Variants in MAP3K5 observed in about 807,000 individuals in gnomAD.
MAP3K5 encodes the protein ASK-1.
MAP3K5 carries 56 observed loss-of-function variants against 158.7 expected under a neutral mutation model. The observed-to-expected ratio is 0.35, with a 90% CI of 0.28 to 0.44. The LOEUF (loss-of-function observed/expected upper bound fraction) is 0.44, where lower values mean the gene tolerates loss of function less well. MAP3K5 is among the 20% of genes least tolerant of loss of function. The pLI, the probability that MAP3K5 is intolerant of heterozygous loss-of-function variation, is 1.00. For synonymous variants in MAP3K5, 579 were observed against 601.7 expected, an observed-to-expected ratio of 0.96 and a Z score of 0.55; for missense variants, 1,294 against 1,674.8, an observed-to-expected ratio of 0.77 and a Z score of 3.97.
At chr6:136,742,952 G>A (rs1319901781) in intron 1 of MAP3K5, among the ~76,000 whole-genome samples, 7 of 152,202 alleles carry the variant, frequency 4.6e-5, no homozygotes, top group African/African-American at 1.7e-4. Flanking sequence ...CAGCACTTGG[G>A]GAGGCCAAGG....
chr6:136,663,907 G>A (rs1779118177), intron 8 of MAP3K5, among the ~76,000 whole-genome samples: 2 of 151,880 alleles, frequency 1.3e-5, no homozygotes, highest in South Asian at 4.2e-4. Context: ...CACCATGTCC[G>A]GCCTCAATCT....
At chr6:136,765,581 C>T (rs1416069225) in intron 1 of MAP3K5, among the ~76,000 whole-genome samples, 1 of 151,840 alleles carries the variant, frequency 6.6e-6, no homozygotes, top group Non-Finnish European at 1.5e-5. Context: ...GGCGCCATCT[C>T]GGCTCACTGC....
chr6:136,706,210 G>A (rs776752681), intron 2 of MAP3K5, among the ~76,000 whole-genome samples: 8 of 152,028 alleles, frequency 5.3e-5, no homozygotes, highest in African/African-American at 7.2e-5. Context: ...AGGCTGCGGC[G>A]AGCTGAGATC....
At chr6:136,664,397 A>G (rs914798971) in intron 8 of MAP3K5, among the ~76,000 whole-genome samples, 8 of 152,144 alleles carry the variant, frequency 5.3e-5, no homozygotes, top group Non-Finnish European at 1.0e-4. Flanking sequence ...CAATAGAAAT[A>G]AAGTGCACAA....
At chr6:136,659,403 T>A in intron 8 of MAP3K5, 25 bp from the exon 9 acceptor site, 1 of 1,609,098 alleles carries the variant, frequency 6.2e-7, no homozygotes, top group South Asian at 1.1e-5. Context: ...GGAAGTAGAA[T>A]GTTACAAATG....
At chr6:136,673,376 C>A (rs1779566317) in intron 7 of MAP3K5, among the ~76,000 whole-genome samples, 1 of 152,092 alleles carries the variant, frequency 6.6e-6, no homozygotes, top group Non-Finnish European at 1.5e-5. Flanking sequence ...ATGCAAAGAG[C>A]CAGCAAGTTG....
rs1228044383 is a variant in MAP3K5 at position 136,592,215 on chromosome 6, G to C, written c.3183C>G (p.Asp1061Glu). The C allele has an allele frequency of 3.1e-6, 5 of 1,605,682 alleles. No individual in the cohort carries two copies. The highest frequency in any genetic ancestry group is 4.2e-6 in the Non-Finnish European group (5 of 1,176,680). Reference protein sequence around the residue: ...RATLHRILTEDQDKIVRNLME... With the variant: ...RATLHRILTEEQDKIVRNLME... The stretch of plus-strand genomic sequence containing the variant: ...TTAGGTTTCTCACAATTTTGTCTTG[G>C]TCTTCCGTCAGGATCCTGTGAAGGG... The change falls in exon 23 of 30, where the codon GAC becomes GAG. Residue 1061 changes from aspartate to glutamate, a missense_variant. Transcript: ENST00000359015.
chr6:136,705,046 C>A, intron 3 of MAP3K5, 64 bp downstream of exon 3: 17 of 768,326 alleles, frequency 2.2e-5, no homozygotes, highest in Non-Finnish European at 3.1e-5. Flanking sequence ...TTAAAAATAC[C>A]AAAGATTAGT....
intron 1 of MAP3K5, among the ~76,000 whole-genome samples, chr6:136,758,698 ACT>A (rs1783610397): frequency 6.6e-6 from 1 of 152,190 alleles, no homozygotes; most frequent in Non-Finnish European, 1.5e-5. Context: ...ATAAGTGAAG[ACT>A]CTGTTTATAC....
chr6:136,580,903 C>G lies in MAP3K5; in HGVS notation c.3412-497G>C, dbSNP rs1314270096. ...GATCATGGCTCACTGCAACCTGTGC[C>G]TCCGGGGCTCAAGCAATCCTCCCGC... On this transcript the variant is annotated intron_variant, in intron 24 of 29. Transcript: ENST00000359015. 3.3e-5 allele frequency among the ~76,000 whole-genome samples: 5 copies of G among 152,130 alleles called. No individual in the cohort carries two copies. In the South Asian group the frequency reaches 1.0e-3, roughly 32 times the overall value.
At chr6:136,696,370 G>A (rs1780600728) in intron 5 of MAP3K5, among the ~76,000 whole-genome samples, 1 of 152,196 alleles carries the variant, frequency 6.6e-6, no homozygotes, top group Admixed American at 6.5e-5. Context: ...TTTCCCCATA[G>A]AGCCAGATTC....
At chr6:136,611,180 G>T (rs1583271071) in intron 18 of MAP3K5, 102 bp downstream of exon 18, 14 of 453,276 alleles carry the variant, frequency 3.1e-5, no homozygotes, top group South Asian at 7.4e-5. Flanking sequence ...CAACATTACT[G>T]TGTGTGAGAA....
chr6:136,656,100 A>T (rs1200474123), intron 10 of MAP3K5: 2 of 520,724 alleles, frequency 3.8e-6, no homozygotes, highest in African/African-American at 3.8e-5. Flanking sequence ...CATGGCAAAA[A>T]CATAAAAATA....
chr6:136,596,641 G>C (rs556321820), intron 21 of MAP3K5, among the ~76,000 whole-genome samples: 1 of 152,334 alleles, frequency 6.6e-6, no homozygotes, highest in South Asian at 2.1e-4. Flanking sequence ...ACAGGAGCCA[G>C]AACTCATCTG....
chr6:136,765,173 T>G (rs77567706), intron 1 of MAP3K5, among the ~76,000 whole-genome samples: 1 of 152,254 alleles, frequency 6.6e-6, no homozygotes, highest in African/African-American at 2.4e-5. Flanking sequence ...GATAAGATGA[T>G]GGGTTATACA....
chr6:136,683,827 T>C (rs1339609256), intron 7 of MAP3K5, among the ~76,000 whole-genome samples: 1 of 152,154 alleles, frequency 6.6e-6, no homozygotes, highest in Non-Finnish European at 1.5e-5. Flanking sequence ...GGGCCTAGGA[T>C]ACAGTAAAAA....
chr6:136,667,459 C>T (rs1703814643), intron 8 of MAP3K5, among the ~76,000 whole-genome samples: 1 of 152,100 alleles, frequency 6.6e-6, no homozygotes, highest in Non-Finnish European at 1.5e-5. Context: ...GTGGCTCACA[C>T]CTGCAATCCT....
intron 7 of MAP3K5, among the ~76,000 whole-genome samples, chr6:136,677,325 G>T (rs182934174): frequency 9.0e-4 from 137 of 151,982 alleles, no homozygotes; most frequent in African/African-American, 3.0e-3. Flanking sequence ...TTTTAGTAGA[G>T]ACAGGGTTTC....
intron 7 of MAP3K5, among the ~76,000 whole-genome samples, chr6:136,679,077 T>C (rs1432923731): frequency 6.6e-6 from 1 of 152,260 alleles, no homozygotes; most frequent in African/African-American, 2.4e-5. Flanking sequence ...ATTTAAAAGA[T>C]GTAAACTTCT....
Sources: gnomAD v4.1 joint callset for allele counts (sites outside exome capture counted in the v4.1 genomes callset) on GRCh38, gnomAD v4.1.1 for gene constraint, MANE v1.5 for transcripts, NCBI Gene and HGNC (gene_info 2026-07-23, HGNC 2026-07-21) for gene names.